The following GTSE1 variants were observed in gnomAD, a reference collection of about 807,000 sequenced individuals.
The protein encoded by GTSE1 is G2 and S-phase expressed 1, also known as G2 and S phase-expressed protein 1.
In GTSE1, 52 loss-of-function variants were observed where a neutral mutation model predicts 60.5. That is an observed-to-expected ratio of 0.86 (90% CI 0.69 to 1.08). GTSE1 has a LOEUF of 1.08. Among genes scored for constraint, GTSE1 ranks in the 50% least tolerant of loss-of-function variants. GTSE1 has a pLI of 0.00. For missense variants in GTSE1, 937 were observed against 961.8 expected (o/e 0.97, Z 0.34); for synonymous variants, 368 against 386.5 (o/e 0.95, Z 0.56).
At chr22:46,299,946 C>T (rs1213703767) in intron 2 of GTSE1, among the ~76,000 whole-genome samples, 1 of 149,204 alleles carries the variant, frequency 6.7e-6, no homozygotes, top group Admixed American at 6.7e-5. Context: ...GCGCCCGCCA[C>T]CACGCCCAGC....
chr22:46,322,314 C>A (rs943140065), intron 7 of GTSE1, among the ~76,000 whole-genome samples: 1 of 152,120 alleles, frequency 6.6e-6, no homozygotes, highest in Admixed American at 6.6e-5. Flanking sequence ...CCTGGAAGCA[C>A]CTGTGGAGAA....
intron 2 of GTSE1, among the ~76,000 whole-genome samples, chr22:46,302,985 C>T (rs577331045): frequency 1.6e-4 from 24 of 151,076 alleles, no homozygotes; most frequent in African/African-American, 4.6e-4. Flanking sequence ...CTGCAAGCTC[C>T]GCCTCCCAGG....
chr22:46,316,602 C>A lies in GTSE1; in HGVS notation c.1432+190C>A, dbSNP rs369825538. Reference sequence around the variant, plus strand: ...CACTGGAGGCTCCCTGAATGTCTTACGTTCGTTCCTGTGTGTGTGACACCC... The same window carrying A: ...CACTGGAGGCTCCCTGAATGTCTTAAGTTCGTTCCTGTGTGTGTGACACCC... On this transcript the variant is annotated intron_variant, in intron 7 of 11. Coordinates refer to ENST00000454366, the MANE Select transcript of GTSE1 (RefSeq NM_016426.7). This position sits in a 1 kb window ranked among gnomAD's most constrained non-coding sequence, Gnocchi z 5.0. Among the ~76,000 whole-genome samples the A allele has an allele frequency of 6.6e-6, 1 of 152,302 alleles. No individual in the cohort carries two copies. Among genetic ancestry groups the A allele is most frequent in the African/African-American group, 2.4e-5 (1 of 41,560 alleles).
chr22:46,297,014 G>C lies in GTSE1; in HGVS notation c.-22+83G>C, dbSNP rs2077660381. On this transcript the variant is annotated intron_variant, in intron 1 of 11. Transcript: ENST00000454366. The surrounding 1 kb of genome is among the most constrained non-coding windows in gnomAD (Gnocchi z 4.9). ...TGCCCGCCGTTTTCGGGACGGGGAG[G>C]GGCCGCGCCCCGCCAGGAGCCGGGC... 5.1e-6 allele frequency: 1 copy of C among 197,154 alleles called. No homozygotes were observed. Among genetic ancestry groups the C allele is most frequent in the African/African-American group, 2.4e-5 (1 of 41,964 alleles). 12.2% of individuals were successfully genotyped at this position (197,154 alleles called of 1,614,324 possible).
chr22:46,297,561 T>G lies in GTSE1; in HGVS notation c.79+82T>G. The G allele has an allele frequency of 1.0e-6, 1 of 985,448 alleles. No homozygotes were observed. Among genetic ancestry groups the G allele is most frequent in the Non-Finnish European group, 1.6e-6 (1 of 633,904 alleles). The allele number at this position is 985,448 out of a possible 1,614,324, so 61.0% of individuals were successfully genotyped here. On this transcript the variant is annotated intron_variant, in intron 2 of 11. Coordinates refer to ENST00000454366, the MANE Select transcript of GTSE1 (RefSeq NM_016426.7). The surrounding 1 kb of genome is among the most constrained non-coding windows in gnomAD (Gnocchi z 4.9). ...GGTGATTTAATGTTTCCCTGAGAAATTCTTTCTCAAGTGCTCGACTTGTAC... is the reference window on the plus strand; with the variant it reads ...GGTGATTTAATGTTTCCCTGAGAAAGTCTTTCTCAAGTGCTCGACTTGTAC...
intron 1 of GTSE1, 45 bp downstream of exon 1, chr22:46,296,976 C>G (rs887550019): frequency 2.6e-4 from 47 of 179,548 alleles, no homozygotes; most frequent in Admixed American, 9.5e-4. Context: ...CCGGTGGGCC[C>G]GGTGCGGCGC....
intron 5 of GTSE1, among the ~76,000 whole-genome samples, 170 bp downstream of exon 5, chr22:46,312,475 C>CA (rs930306836): frequency 2.0e-5 from 3 of 151,738 alleles, no homozygotes; most frequent in Admixed American, 6.6e-5. Context: ...CCCATCTCTA[C>CA]AAAAAATACA....
Position 46,329,643 on chromosome 22 carries a change from C to A in GTSE1, c.2136+76C>A. 2 of 1,150,510 alleles carry A rather than the reference C, an allele frequency of 1.7e-6. No individual in the cohort carries two copies. Among genetic ancestry groups the A allele is most frequent in the Non-Finnish European group, 2.6e-6 (2 of 765,100 alleles). The allele number at this position is 1,150,510 out of a possible 1,614,324, so 71.3% of individuals were successfully genotyped here. A position where few individuals can be genotyped will look rare whatever the true frequency, so the allele number is the denominator to read the frequency against. ...TCTGGGATTGTTCATCCTCCCAGGGCCATCGTGGGACCCTTGAGAGTGGCT... is the reference window on the plus strand; with the variant it reads ...TCTGGGATTGTTCATCCTCCCAGGGACATCGTGGGACCCTTGAGAGTGGCT... On this transcript the variant is annotated intron_variant, in intron 11 of 11. Coordinates refer to ENST00000454366, the MANE Select transcript of GTSE1 (RefSeq NM_016426.7). This position sits in a 1 kb window ranked among gnomAD's most constrained non-coding sequence, Gnocchi z 6.4.
At chr22:46,315,950 T>C in intron 6 of GTSE1, 82 bp from the exon 7 acceptor site, 1 of 1,108,626 alleles carries the variant, frequency 9.0e-7, no homozygotes, top group Non-Finnish European at 1.3e-6. Context: ...GTAGATATGC[T>C]AAAGACAGCA....
Position 46,317,790 on chromosome 22 carries a change from C to T in GTSE1, c.1432+1378C>T, listed in dbSNP as rs559210919. On this transcript the variant is annotated intron_variant, in intron 7 of 11. Coordinates refer to ENST00000454366, the MANE Select transcript of GTSE1 (RefSeq NM_016426.7). The surrounding 1 kb of genome is among the most constrained non-coding windows in gnomAD (Gnocchi z 5.6). ...GCACACCCGTGTGTCCCGCAAGGCC[C>T]GCGAGACCCCTGCACTCCTGCTGCT... 2.6e-5 allele frequency among the ~76,000 whole-genome samples: 4 copies of T among 152,360 alleles called. No individual in the cohort carries two copies. In the South Asian group the frequency reaches 8.3e-4, roughly 32 times the overall value.
At chr22:46,323,471 G>A (rs531454389) in intron 8 of GTSE1, among the ~76,000 whole-genome samples, 10 of 152,286 alleles carry the variant, frequency 6.6e-5, no homozygotes, top group South Asian at 2.1e-4. Flanking sequence ...GATGCAGTAC[G>A]GCAGCTCCCA....
chr22:46,325,971 G>A (rs1475421504), intron 8 of GTSE1, among the ~76,000 whole-genome samples: 2 of 152,252 alleles, frequency 1.3e-5, no homozygotes, highest in Non-Finnish European at 2.9e-5. Context: ...TGATTCAGGC[G>A]ACCTTAAGCC....
At chr22:46,302,105 A>G (rs2077692927) in intron 2 of GTSE1, among the ~76,000 whole-genome samples, 1 of 152,246 alleles carries the variant, frequency 6.6e-6, no homozygotes, top group Admixed American at 6.5e-5. Context: ...AGCCTGAGCA[A>G]CAAGAGTGAA....
At position 46,320,859 on chromosome 22, in the gene GTSE1, A is replaced by G. The variant is rs2077808176; in HGVS notation, c.1433-2331A>G. Among the ~76,000 whole-genome samples, 1 of 152,132 alleles carries G rather than the reference A, an allele frequency of 6.6e-6. No individual in the cohort carries two copies. Among genetic ancestry groups the G allele is most frequent in the South Asian group, 2.1e-4 (1 of 4,822 alleles). ...GTGCGTGCTCAGGCAGCCCTAGGGC[A>G]GTCGTGAGGGTGTCAGGAGATGGCT... On this transcript the variant is annotated intron_variant, in intron 7 of 11. Coordinates refer to ENST00000454366, the MANE Select transcript of GTSE1 (RefSeq NM_016426.7). This position sits in a 1 kb window ranked among gnomAD's most constrained non-coding sequence, Gnocchi z 7.1.
chr22:46,297,347 G>A lies in GTSE1; in HGVS notation c.-21-33G>A, dbSNP rs755258366. ...AAGCCGGAGCCCTGGGCCCTGACAC[G>A]TACTCACTTTCTGGCCCCGTTCCAC... On this transcript the variant is annotated intron_variant, in intron 1 of 11. Transcript: ENST00000454366. This position sits in a 1 kb window ranked among gnomAD's most constrained non-coding sequence, Gnocchi z 4.9. 23 of 1,208,460 alleles carry A rather than the reference G, an allele frequency of 1.9e-5. No homozygotes were observed. In the East Asian group the frequency reaches 3.9e-4, roughly 21 times the overall value. 74.9% of individuals were successfully genotyped at this position (1,208,460 alleles called of 1,614,324 possible).
At chr22:46,302,163 T>C (rs547083487) in intron 2 of GTSE1, among the ~76,000 whole-genome samples, 2 of 152,280 alleles carry the variant, frequency 1.3e-5, no homozygotes, top group East Asian at 3.9e-4. Context: ...AAGAATGTTT[T>C]GTTTTATTTT....
In GTSE1 at chr22:46,324,934, G is replaced by A. The variant is rs75398361; in HGVS notation, c.1506-1502G>A. ...AATAGACAGGTCTCCCTGGCCTCCC[G>A]AGGGGCCATGGTGGTGGGATGTCCT... On this transcript the variant is annotated intron_variant, in intron 8 of 11. Coordinates refer to ENST00000454366, the MANE Select transcript of GTSE1 (RefSeq NM_016426.7). This position sits in a 1 kb window ranked among gnomAD's most constrained non-coding sequence, Gnocchi z 5.2. Among the ~76,000 whole-genome samples, 438 of 152,288 alleles carry A rather than the reference G, an allele frequency of 2.9e-3. No individual in the cohort carries two copies. Among genetic ancestry groups the A allele is most frequent in the Non-Finnish European group, 5.2e-3 (353 of 68,014 alleles).
At position 46,328,887 on chromosome 22, in the gene GTSE1, G is replaced by A; in HGVS notation, c.1924G>A (p.Glu642Lys). The change falls in exon 10 of 12, where the codon GAG (glutamate) becomes AAG (lysine). Residue 642 changes from glutamate (E) to lysine (K), a missense_variant and splice_region_variant. Glu to Lys is a moderately conservative substitution (Grantham distance 56). Coordinates refer to ENST00000454366, the MANE Select transcript of GTSE1 (RefSeq NM_016426.7). Reference sequence around the variant, plus strand: ...GCCGGGTGGAGATGCAGCCCCTAGTGAGGTGGGCAGAACGGGCGCAGCTGG... The same window carrying A: ...GCCGGGTGGAGATGCAGCCCCTAGTAAGGTGGGCAGAACGGGCGCAGCTGG... ...AKPGGDAAPS[E>K]ALLVDIKLEP... The A allele has an allele frequency of 6.2e-7, 1 of 1,611,642 alleles. No homozygotes were observed. The highest frequency in any genetic ancestry group is 2.2e-5 in the East Asian group (1 of 44,870).
chr22:46,329,424 A>G lies in GTSE1; in HGVS notation c.1993A>G (p.Ile665Val). The part of the protein sequence containing the change: ...VTPDAASQPL[I>V]DLPLIDFCDT... The stretch of plus-strand genomic sequence containing the variant: ...TCCAGATGCTGCAAGCCAGCCCCTC[A>G]TTGACCTTCCTCTCATCGACTTCTG... The change falls in exon 11 of 12, where the codon ATT becomes GTT. Residue 665 changes from isoleucine (I) to valine (V), a missense_variant. Transcript: ENST00000454366. The surrounding 1 kb of genome is among the most constrained non-coding windows in gnomAD (Gnocchi z 6.4). 1 of 1,614,180 alleles carries G rather than the reference A, an allele frequency of 6.2e-7. No homozygotes were observed.
Sources: gnomAD v4.1 joint callset for allele counts (sites outside exome capture counted in the v4.1 genomes callset) on GRCh38, gnomAD v4.1.1 for gene constraint, Gnocchi (gnomAD v3.1) non-coding constraint, MANE v1.5 for transcripts, NCBI Gene and HGNC (gene_info 2026-07-23, HGNC 2026-07-21) for gene names.